STIM2: variants seen among roughly 807,000 people sequenced by gnomAD.
STIM2 encodes the protein stromal interaction molecule 2.
STIM2 carries 31 observed loss-of-function variants against 85.8 expected under a neutral mutation model. The ratio of observed to expected loss-of-function variants is 0.36; its 90% CI spans 0.27 to 0.49. The LOEUF (loss-of-function observed/expected upper bound fraction) is 0.49. STIM2 is among the 20% of genes least tolerant of loss of function. The pLI is 0.98. For missense variants in STIM2, 841 were observed against 927.6 expected, an observed-to-expected ratio of 0.91 and a Z score of 1.21; for synonymous variants, 356 against 331.1, an observed-to-expected ratio of 1.08 and a Z score of -0.82.
intron 2 of STIM2, among the ~76,000 whole-genome samples, chr4:26,934,955 T>C (rs1423274186): frequency 6.6e-6 from 1 of 151,160 alleles, no homozygotes; most frequent in Non-Finnish European, 1.5e-5. Context: ...TTCACTTATT[T>C]ATACTAGTTT....
rs149788793 is a variant in STIM2, at chr4:26,891,270, A to G, written c.152-28234A>G. 1.8e-3 allele frequency among the ~76,000 whole-genome samples: 278 copies of G among 152,284 alleles called. 1 individual carries two copies. The highest frequency in any genetic ancestry group is 2.5e-3 in the East Asian group (13 of 5,182). ...TGATGATATGAGTGGGCCTTATCCA[A>G]TCAGTTGAAGGCCTTAGGAGCAGAA... On this transcript the variant is annotated intron_variant, in intron 1 of 11. Transcript: ENST00000467087.
chr4:26,941,652 A>G (rs1029665305), intron 2 of STIM2, among the ~76,000 whole-genome samples: 2 of 151,416 alleles, frequency 1.3e-5, no homozygotes, highest in African/African-American at 4.9e-5. Context: ...ACATTTAAAA[A>G]TTATACTATG....
intron 1 of STIM2, chr4:26,881,707 T>G (rs1383108483): frequency 2.0e-5 from 3 of 152,220 alleles, no homozygotes; most frequent in Non-Finnish European, 4.4e-5. Flanking sequence ...TCCTTTTAGA[T>G]GGAATTTTGC....
At chr4:27,002,648 T>G (rs544738674) in intron 6 of STIM2, among the ~76,000 whole-genome samples, 1 of 152,300 alleles carries the variant, frequency 6.6e-6, no homozygotes, top group Admixed American at 6.5e-5. Flanking sequence ...TGTAGTTAAA[T>G]TTTATTTTTA....
chr4:27,013,791 A>T (rs1015236045), intron 10 of STIM2, among the ~76,000 whole-genome samples: 9 of 152,120 alleles, frequency 5.9e-5, no homozygotes, highest in African/African-American at 2.2e-4. Flanking sequence ...AAATGGTATG[A>T]TTTTATTCTG....
At chr4:26,914,760 CTTAATATAATGG>C (rs1724471165) in intron 1 of STIM2, among the ~76,000 whole-genome samples, 1 of 152,106 alleles carries the variant, frequency 6.6e-6, no homozygotes, top group South Asian at 2.1e-4. Flanking sequence ...ATATAATATA[CTTAATATAATGG>C]TTTGTTCAAG....
intron 3 of STIM2, among the ~76,000 whole-genome samples, chr4:26,982,265 T>G (rs1332371763): frequency 6.6e-6 from 1 of 152,218 alleles, no homozygotes; most frequent in Non-Finnish European, 1.5e-5. Flanking sequence ...CAAAAACTTA[T>G]GAATGCTTTG....
At position 27,022,645 on chromosome 4, in the gene STIM2, G is replaced by T. The variant is rs1331340785; in HGVS notation, c.1890G>T (p.Val630=). Reference sequence around the variant, plus strand: ...CGCGAAAGATATCAAGAGATGAGGTGTCCCTAGAGGATTCCTCCCGAGGGG... The same window carrying T: ...CGCGAAAGATATCAAGAGATGAGGTTTCCCTAGAGGATTCCTCCCGAGGGG... The change falls in exon 12 of 12, where the codon GTG becomes GTT. Residue 630 remains valine, a synonymous_variant. Coordinates refer to ENST00000467087, the MANE Select transcript of STIM2 (RefSeq NM_020860.4). 3 of 1,614,096 alleles carry T rather than the reference G, an allele frequency of 1.9e-6. No individual in the cohort carries two copies. The East Asian group carries it at 6.7e-5, about 36-fold the overall frequency.
At chr4:26,985,923 A>T (rs1727564879) in intron 3 of STIM2, among the ~76,000 whole-genome samples, 1 of 152,248 alleles carries the variant, frequency 6.6e-6, no homozygotes, top group African/African-American at 2.4e-5. Flanking sequence ...AATGAAAAGC[A>T]GAATACATGT....
chr4:26,876,010 A>G (rs1194031911), intron 1 of STIM2, among the ~76,000 whole-genome samples: 1 of 152,108 alleles, frequency 6.6e-6, no homozygotes, highest in Non-Finnish European at 1.5e-5. Context: ...AGTATATAGT[A>G]TGTACACAAA....
chr4:26,982,829 T>C (rs1045693927), intron 3 of STIM2, among the ~76,000 whole-genome samples: 6 of 152,210 alleles, frequency 3.9e-5, no homozygotes, highest in Non-Finnish European at 8.8e-5. Context: ...TAAACTCCAA[T>C]TTCAGTCCAA....
chr4:26,898,557 T>G (rs1275831628), intron 1 of STIM2, among the ~76,000 whole-genome samples: 1 of 152,196 alleles, frequency 6.6e-6, no homozygotes, highest in Non-Finnish European at 1.5e-5. Context: ...TGTTGCAAAA[T>G]AGTGATTTTC....
chr4:26,861,217 C>A lies in STIM2; in HGVS notation c.-2C>A. ...CTGCTGCGGCGGCGGCGCTGGGCTG[C>A]GTTGCTGGTGCTCGGGCTGCTGGTA... On this transcript the variant is annotated 5_prime_UTR_variant, in exon 1 of 12. Coordinates refer to ENST00000467087, the MANE Select transcript of STIM2 (RefSeq NM_020860.4). 1 of 1,483,960 alleles carries A rather than the reference C, an allele frequency of 6.7e-7. No individual in the cohort carries two copies. Among genetic ancestry groups the A allele is most frequent in the Admixed American group, 2.2e-5 (1 of 46,082 alleles). The allele number at this position is 1,483,960 out of a possible 1,614,324, so 91.9% of individuals were successfully genotyped here.
At chr4:26,863,133 A>G (rs1722280250) in intron 1 of STIM2, among the ~76,000 whole-genome samples, 1 of 152,156 alleles carries the variant, frequency 6.6e-6, no homozygotes, top group African/African-American at 2.4e-5. Flanking sequence ...TAAGCCATTT[A>G]CAATCCCTTT....
chr4:26,912,058 A>T (rs1271482168), intron 1 of STIM2, among the ~76,000 whole-genome samples: 2 of 152,166 alleles, frequency 1.3e-5, no homozygotes, highest in Non-Finnish European at 2.9e-5. Context: ...TTTCTCGAGA[A>T]TTTACTCTGA....
chr4:26,945,623 A>T (rs1053875215), intron 2 of STIM2, among the ~76,000 whole-genome samples: 4 of 151,854 alleles, frequency 2.6e-5, no homozygotes, highest in African/African-American at 9.7e-5. Flanking sequence ...TTATTTTTTG[A>T]CTTTTAATAA....
intron 1 of STIM2, among the ~76,000 whole-genome samples, chr4:26,898,940 A>T (rs1016236567): frequency 5.9e-5 from 9 of 151,828 alleles, no homozygotes; most frequent in African/African-American, 1.9e-4. Context: ...TCCTCTGCAA[A>T]TGACAGTTTT....
chr4:26,933,720 C>A (rs529691205), intron 2 of STIM2, among the ~76,000 whole-genome samples: 1 of 110,190 alleles, frequency 9.1e-6, no homozygotes, highest in African/African-American at 3.8e-5. Context: ...GGCAGTATAA[C>A]GAGACCTGAT....
At chr4:26,968,026 C>T (rs935993264) in intron 3 of STIM2, among the ~76,000 whole-genome samples, 2 of 152,048 alleles carry the variant, frequency 1.3e-5, no homozygotes, top group African/African-American at 4.8e-5. Context: ...AAAAAATTCG[C>T]CAGTCTTGGT....
Sources: allele counts gnomAD v4.1 joint callset (sites outside exome capture counted in the v4.1 genomes callset), GRCh38; gene constraint gnomAD v4.1.1; transcripts MANE v1.5; gene names NCBI Gene and HGNC (gene_info 2026-07-23, HGNC 2026-07-21).